GLIS3: variants seen among roughly 807,000 people sequenced by gnomAD.
The protein encoded by GLIS3 is zinc finger protein GLIS3.
Under a neutral mutation model 78.6 loss-of-function variants are expected in GLIS3, and 53 were observed. That is an observed-to-expected ratio of 0.67 (90% CI 0.54 to 0.85). The LOEUF (loss-of-function observed/expected upper bound fraction) is 0.85. GLIS3 is among the 40% of genes least tolerant of loss of function. GLIS3 has a pLI of 0.00. For missense variants in GLIS3, 1,703 were observed against 1,231.1 expected, an observed-to-expected ratio of 1.38 and a Z score of -5.74; for synonymous variants, 684 against 509.9, an observed-to-expected ratio of 1.34 and a Z score of -4.60.
intron 2 of GLIS3, among the ~76,000 whole-genome samples, chr9:4,258,474 G>T (rs930721285): frequency 5.3e-5 from 8 of 152,284 alleles, no homozygotes; most frequent in African/African-American, 1.9e-4. Context: ...TTGGGAATTT[G>T]TCTTTGGGGC....
intron 2 of GLIS3, among the ~76,000 whole-genome samples, chr9:4,246,157 A>G (rs1474395056): frequency 6.6e-6 from 1 of 152,166 alleles, no homozygotes; most frequent in Non-Finnish European, 1.5e-5. Flanking sequence ...CAAGTAGTTC[A>G]AGGCCAGCCT....
intron 6 of GLIS3, among the ~76,000 whole-genome samples, chr9:3,922,109 G>C (rs566422460): frequency 6.6e-6 from 1 of 152,296 alleles, no homozygotes; most frequent in South Asian, 2.1e-4. Flanking sequence ...CTATATACTA[G>C]CATATGCGCT....
Position 3,948,984 on chromosome 9 carries a change from T to C in GLIS3, c.1711-11795A>G, listed in dbSNP as rs186151414. On this transcript the variant is annotated intron_variant, in intron 4 of 10. Transcript: ENST00000381971. ...TTTACAAGTAAAGGAAATTGAGACATAGAGAGGTTAAGTGACTTGCCAAAG... is the reference window on the plus strand; with the variant it reads ...TTTACAAGTAAAGGAAATTGAGACACAGAGAGGTTAAGTGACTTGCCAAAG... Among the ~76,000 whole-genome samples, 5 of 152,304 alleles carry C rather than the reference T, an allele frequency of 3.3e-5. No homozygotes were observed. In the East Asian group the frequency reaches 9.6e-4, roughly 29 times the overall value.
At chr9:3,860,272 CAAAAAAAAAAAAAA>C (rs59923144) in intron 8 of GLIS3, among the ~76,000 whole-genome samples, 15 of 53,604 alleles carry the variant, frequency 2.8e-4, no homozygotes, top group African/African-American at 6.7e-4. Context: ...AAGACTCTGT[CAAAAAAAAAAAAAA>C]AAAAAAAAAA....
chr9:4,441,344 T>A, the GLIS3 span, among the ~76,000 whole-genome samples: 1 of 152,210 alleles, frequency 6.6e-6, no homozygotes, highest in East Asian at 1.9e-4. Context: ...CCTAATTTAT[T>A]GTTAGTTTTT....
chr9:4,254,935 C>G (rs1824773883), intron 2 of GLIS3, among the ~76,000 whole-genome samples: 1 of 151,744 alleles, frequency 6.6e-6, no homozygotes, highest in Non-Finnish European at 1.5e-5. Context: ...AAAATATTTG[C>G]AAAACATTTA....
the GLIS3 span, among the ~76,000 whole-genome samples, chr9:4,374,053 G>A: frequency 1.2e-4 from 18 of 152,290 alleles, no homozygotes; most frequent in Non-Finnish European, 1.6e-4. Flanking sequence ...ATCTTGCAAC[G>A]AATGGAATAG....
chr9:4,013,383 G>A (rs1015232902), intron 4 of GLIS3, among the ~76,000 whole-genome samples: 1 of 152,108 alleles, frequency 6.6e-6, no homozygotes, highest in Admixed American at 6.6e-5. Context: ...CAATATCCAA[G>A]GAAGCTGTAA....
At chr9:4,254,627 G>A (rs772767994) in intron 2 of GLIS3, among the ~76,000 whole-genome samples, 4 of 152,012 alleles carry the variant, frequency 2.6e-5, no homozygotes, top group Admixed American at 1.3e-4. Flanking sequence ...ATTACCTGAG[G>A]TCAGGAGTTC....
the GLIS3 span, among the ~76,000 whole-genome samples, chr9:4,410,606 AT>A: frequency 6.6e-6 from 1 of 152,214 alleles, no homozygotes; most frequent in Admixed American, 6.5e-5. Context: ...GCACAAAGTT[AT>A]TTTAACTGCC....
chr9:4,325,314 A>C (rs759402024), intron 2 of GLIS3, among the ~76,000 whole-genome samples: 2 of 152,230 alleles, frequency 1.3e-5, no homozygotes, highest in Non-Finnish European at 2.9e-5. Context: ...GAAACCACTT[A>C]AAAAGGGTAG....
At chr9:4,471,338 T>C in the GLIS3 span, among the ~76,000 whole-genome samples, 1 of 151,884 alleles carries the variant, frequency 6.6e-6, no homozygotes, top group Non-Finnish European at 1.5e-5. Flanking sequence ...AGGCATCACG[T>C]TATGTAAATT....
the GLIS3 span, among the ~76,000 whole-genome samples, chr9:4,423,247 C>T: frequency 3.9e-4 from 59 of 152,258 alleles, no homozygotes; most frequent in Admixed American, 1.3e-3. Context: ...TGTCATCTGA[C>T]GTCACAGACC....
At chr9:4,198,033 T>C (rs373794834) in intron 2 of GLIS3, among the ~76,000 whole-genome samples, 1 of 152,070 alleles carries the variant, frequency 6.6e-6, no homozygotes, top group South Asian at 2.1e-4. Context: ...ATTACAAAAA[T>C]TAGAAGTGCC....
In GLIS3 at chr9:4,286,524, C is replaced by T; in HGVS notation, c.-98-1G>A. The T allele has an allele frequency of 7.0e-7, 1 of 1,437,942 alleles. No homozygotes were observed. Among genetic ancestry groups the T allele is most frequent in the Non-Finnish European group, 9.6e-7 (1 of 1,040,552 alleles). The allele number at this position is 1,437,942 out of a possible 1,614,324, so 89.1% of individuals were successfully genotyped here. A position where few individuals can be genotyped will look rare whatever the true frequency, so the allele number is the denominator to read the frequency against. ...GTTATCCATGGTGTGGGTTATAAGC[C>T]TGTTTAAAAAAATAAACGCAGGCAT... On this transcript the variant is annotated splice_acceptor_variant, in intron 1 of 10. Transcript: ENST00000381971. LOFTEE classifies it low-confidence loss of function (5UTR_SPLICE).
At chr9:4,288,573 A>G (rs937612735) in intron 1 of GLIS3, among the ~76,000 whole-genome samples, 1 of 152,250 alleles carries the variant, frequency 6.6e-6, no homozygotes, top group Non-Finnish European at 1.5e-5. Context: ...GGAGGTACTT[A>G]GCACGATCAT....
At chr9:4,472,485 T>G in the GLIS3 span, among the ~76,000 whole-genome samples, 1 of 152,162 alleles carries the variant, frequency 6.6e-6, no homozygotes, top group African/African-American at 2.4e-5. Flanking sequence ...GAAACCATCA[T>G]TCTGAGCAAA....
chr9:4,412,097 G>C, the GLIS3 span, among the ~76,000 whole-genome samples: 369 of 152,266 alleles, frequency 2.4e-3, 1 homozygote, highest in Non-Finnish European at 4.4e-3. Context: ...GTGAGTTTCT[G>C]AAAATGTCTT....
At chr9:4,471,546 T>A in the GLIS3 span, among the ~76,000 whole-genome samples, 1 of 152,220 alleles carries the variant, frequency 6.6e-6, no homozygotes, top group Non-Finnish European at 1.5e-5. Context: ...GAAAACTGGC[T>A]AGCCGTATAT....
Sources: gnomAD v4.1 joint callset for allele counts (sites outside exome capture counted in the v4.1 genomes callset) on GRCh38, gnomAD v4.1.1 for gene constraint, MANE v1.5 for transcripts, NCBI Gene and HGNC (gene_info 2026-07-23, HGNC 2026-07-21) for gene names.